The following FAF1 variants were observed in gnomAD, a reference collection of about 807,000 sequenced individuals.
FAF1 encodes Fas associated factor 1, also known as FAS-associated factor 1.
Under a neutral mutation model 92.5 loss-of-function variants are expected in FAF1, and 25 were observed. The ratio of observed to expected loss-of-function variants is 0.27; its 90% CI spans 0.20 to 0.38. FAF1 has a LOEUF of 0.38. Ranked by LOEUF, FAF1 falls within the 10% of genes least tolerant of loss-of-function variation. The probability of loss-of-function intolerance (pLI) is 1.00; values close to 1 mark genes in which losing one functional copy is unlikely to be tolerated. For missense variants in FAF1, 636 were observed against 793.3 expected, an observed-to-expected ratio of 0.80 and a Z score of 2.38; for synonymous variants, 234 against 273.2, an observed-to-expected ratio of 0.86 and a Z score of 1.42.
chr1:50,585,714 T>C (rs1338526502), intron 9 of FAF1, among the ~76,000 whole-genome samples: 1 of 152,042 alleles, frequency 6.6e-6, no homozygotes, highest in East Asian at 1.9e-4. Flanking sequence ...TTCTATCTTT[T>C]AAAATGTGGC....
At chr1:50,615,371 G>C (rs1652866229) in intron 8 of FAF1, among the ~76,000 whole-genome samples, 3 of 152,026 alleles carry the variant, frequency 2.0e-5, no homozygotes, top group African/African-American at 4.8e-5. Context: ...CTATTTGCTG[G>C]GGAGGGGCTG....
rs561893805 is a variant in FAF1 at position 50,755,324 on chromosome 1, C to G, written c.368-10549G>C. 2.6e-5 allele frequency among the ~76,000 whole-genome samples: 4 copies of G among 152,324 alleles called. No individual in the cohort carries two copies. The East Asian group carries it at 7.7e-4, about 29-fold the overall frequency. On this transcript the variant is annotated intron_variant, in intron 4 of 18. Transcript: ENST00000396153. ...GGCTCCATGAAAGTCCAAAATCCAG[C>G]AGGGCAGTCAAATCTTAAAGCTCCA...
intron 15 of FAF1, among the ~76,000 whole-genome samples, chr1:50,514,243 T>C (rs1315574025): frequency 6.6e-6 from 1 of 152,230 alleles, no homozygotes; most frequent in African/African-American, 2.4e-5. Context: ...GAAGAGACTT[T>C]GCCATATTTA....
At chr1:50,897,954 A>G (rs1644769411) in intron 1 of FAF1, among the ~76,000 whole-genome samples, 1 of 152,196 alleles carries the variant, frequency 6.6e-6, no homozygotes, top group Admixed American at 6.5e-5. Flanking sequence ...CACATGGAAC[A>G]TATCTGAGCC....
chr1:50,835,147 A>C (rs1361659215), intron 2 of FAF1, among the ~76,000 whole-genome samples: 1 of 152,208 alleles, frequency 6.6e-6, no homozygotes, highest in Non-Finnish European at 1.5e-5. Context: ...GAAGTGCTTT[A>C]TTTGCCATTT....
intron 2 of FAF1, among the ~76,000 whole-genome samples, chr1:50,810,032 G>A (rs940437456): frequency 1.3e-5 from 2 of 152,102 alleles, no homozygotes; most frequent in Non-Finnish European, 1.5e-5. Context: ...GAGGCCCGTG[G>A]ATCACATGAG....
intron 1 of FAF1, among the ~76,000 whole-genome samples, chr1:50,955,653 T>C (rs186887523): frequency 3.9e-5 from 6 of 152,272 alleles, no homozygotes; most frequent in Admixed American, 3.3e-4. Flanking sequence ...TGCAAAAGAA[T>C]TGAAAGCAGA....
At chr1:50,648,643 T>C (rs937603309) in intron 8 of FAF1, among the ~76,000 whole-genome samples, 3 of 152,074 alleles carry the variant, frequency 2.0e-5, no homozygotes, top group African/African-American at 7.2e-5. Flanking sequence ...AATATTAACT[T>C]TGGCTGGGCG....
chr1:50,818,567 G>C (rs1643999999), intron 2 of FAF1, among the ~76,000 whole-genome samples: 1 of 152,150 alleles, frequency 6.6e-6, no homozygotes, highest in African/African-American at 2.4e-5. Context: ...CAACAATATG[G>C]ATAAATCTCT....
chr1:50,563,308 G>A (rs1257076787), intron 13 of FAF1, among the ~76,000 whole-genome samples: 1 of 152,076 alleles, frequency 6.6e-6, no homozygotes, highest in Non-Finnish European at 1.5e-5. Flanking sequence ...TCACACACCT[G>A]TAGTCCCAGC....
intron 3 of FAF1, among the ~76,000 whole-genome samples, chr1:50,792,589 A>G (rs1661603610): frequency 6.6e-6 from 1 of 152,246 alleles, no homozygotes; most frequent in African/African-American, 2.4e-5. Context: ...GAAGAAATAT[A>G]GATGCTTAAA....
chr1:50,959,758 A>C lies in FAF1; in HGVS notation c.45+9T>G. 6.2e-7 allele frequency: 1 copy of C among 1,600,608 alleles called. No homozygotes were observed. ...GGAAGTGGGAGGGGAAGAGGGCCAG[A>C]TACTTCACCTGAAAATCCGCCAGGA... On this transcript the variant is annotated intron_variant, in intron 1 of 18. Transcript: ENST00000396153.
At chr1:50,792,674 G>A (rs1034439040) in intron 3 of FAF1, among the ~76,000 whole-genome samples, 1 of 152,158 alleles carries the variant, frequency 6.6e-6, no homozygotes, top group African/African-American at 2.4e-5. Flanking sequence ...TCATCCATGA[G>A]GTCCTGGAGG....
chr1:50,875,635 T>C (rs1570087466), intron 1 of FAF1, among the ~76,000 whole-genome samples: 1 of 152,148 alleles, frequency 6.6e-6, no homozygotes, highest in Non-Finnish European at 1.5e-5. Context: ...GTATTTTTAA[T>C]AGAGACGGGA....
chr1:50,479,494 A>G (rs1203553378), intron 17 of FAF1, among the ~76,000 whole-genome samples: 2 of 152,240 alleles, frequency 1.3e-5, no homozygotes, highest in East Asian at 3.8e-4. Flanking sequence ...TACTGTGATC[A>G]ACATATGACA....
intron 15 of FAF1, among the ~76,000 whole-genome samples, chr1:50,520,381 T>C (rs569467627): frequency 6.6e-6 from 1 of 152,186 alleles, no homozygotes; most frequent in African/African-American, 2.4e-5. Context: ...GGCAACTGAG[T>C]ATCCTTCTCT....
At chr1:50,943,240 T>C (rs1490501534) in intron 1 of FAF1, among the ~76,000 whole-genome samples, 2 of 152,186 alleles carry the variant, frequency 1.3e-5, no homozygotes, top group Non-Finnish European at 2.9e-5. Context: ...AAGGCTACTA[T>C]CAACAAGACT....
At chr1:50,531,604 C>T (rs1418691290) in intron 15 of FAF1, among the ~76,000 whole-genome samples, 1 of 152,092 alleles carries the variant, frequency 6.6e-6, no homozygotes, top group African/African-American at 2.4e-5. Flanking sequence ...TCCCAAGGAC[C>T]TCATCCAGTG....
rs182516858 is a variant in FAF1 at position 50,922,698 on chromosome 1, A to C, written c.45+37069T>G. On this transcript the variant is annotated intron_variant, in intron 1 of 18. Transcript: ENST00000396153. ...CCGGGTGTGTTGGTGCATACCTATA[A>C]TCCCAGCTACTTGTGGGGGCTGAGG... is the stretch of plus-strand genomic sequence containing the variant. 4.4e-3 allele frequency among the ~76,000 whole-genome samples: 658 copies of C among 150,758 alleles called. 2 individuals carry two copies. Among genetic ancestry groups the C allele is most frequent in the Non-Finnish European group, 6.0e-3 (404 of 67,678 alleles).
Sources: allele counts gnomAD v4.1 joint callset (sites outside exome capture counted in the v4.1 genomes callset), GRCh38; gene constraint gnomAD v4.1.1; transcripts MANE v1.5; gene names NCBI Gene and HGNC (gene_info 2026-07-23, HGNC 2026-07-21).